BANP: variants seen among roughly 807,000 people sequenced by gnomAD.
The protein encoded by BANP is BTG3 associated nuclear protein.
BANP carries 11 observed loss-of-function variants against 68.1 expected under a neutral mutation model. The observed-to-expected ratio is 0.16, with a 90% CI of 0.10 to 0.27. The LOEUF (loss-of-function observed/expected upper bound fraction) is 0.27. Among genes scored for constraint, BANP ranks in the 10% least tolerant of loss-of-function variants. The pLI is 1.00. For synonymous variants in BANP, 329 were observed against 303.2 expected, an observed-to-expected ratio of 1.09 and a Z score of -0.88; for missense variants, 504 against 722.7, an observed-to-expected ratio of 0.70 and a Z score of 3.47.
intron 11 of BANP, among the ~76,000 whole-genome samples, chr16:88,046,457 C>G (rs1174042446): frequency 2.0e-5 from 3 of 152,194 alleles, no homozygotes; most frequent in African/African-American, 7.2e-5. Flanking sequence ...TGGACGTGCT[C>G]TAGTGATCTT....
chr16:88,076,408 G>C (rs78209926), intron 13 of BANP, among the ~76,000 whole-genome samples, 182 bp from the exon 14 acceptor site: 1 of 152,188 alleles, frequency 6.6e-6, no homozygotes, highest in Non-Finnish European at 1.5e-5. Flanking sequence ...TGGGCGCGTC[G>C]TTCCGCTGGG....
intron 7 of BANP, among the ~76,000 whole-genome samples, chr16:88,025,063 G>A (rs1204124965): frequency 6.6e-6 from 1 of 152,168 alleles, no homozygotes; most frequent in Non-Finnish European, 1.5e-5. Context: ...TCACAGGAGG[G>A]CGGTTCTGAG....
At chr16:88,065,394 A>C in intron 12 of BANP, 62 bp downstream of exon 12, 1 of 704,280 alleles carries the variant, frequency 1.4e-6, no homozygotes. Flanking sequence ...CTCTGCTTTT[A>C]AAGACCCCCG....
rs549834291 is a variant in BANP at position 88,003,998 on chromosome 16, T to C, written c.363-297T>C. The C allele has an allele frequency of 1.2e-4, 44 of 362,390 alleles. No individual in the cohort carries two copies. The highest frequency in any genetic ancestry group is 9.3e-4 in the African/African-American group (44 of 47,268). 22.4% of individuals were successfully genotyped at this position (362,390 alleles called of 1,614,324 possible). On this transcript the variant is annotated intron_variant, in intron 4 of 13. Coordinates refer to ENST00000682872, the MANE Select transcript of BANP (RefSeq NM_001386991.1). The surrounding 1 kb of genome is among the most constrained non-coding windows in gnomAD (Gnocchi z 6.1). ...CGGTTGCAGTCTATTCTGTCACAAG[T>C]TCAGCATCCTCAGCCCAGCTGTCCT... is the stretch of plus-strand genomic sequence containing the variant.
At chr16:88,031,640 C>T (rs963666530) in intron 8 of BANP, among the ~76,000 whole-genome samples, 5 of 142,718 alleles carry the variant, frequency 3.5e-5, no homozygotes, top group Non-Finnish European at 7.5e-5. Flanking sequence ...CAGAGCAAGA[C>T]TCTCTCTCAA....
chr16:88,059,924 T>C (rs11117356), intron 11 of BANP, among the ~76,000 whole-genome samples: 116,694 of 152,022 alleles, frequency 0.77, 45,134 homozygotes, highest in Non-Finnish European at 0.8. Flanking sequence ...GGGTCACATT[T>C]AGGCCCCAGA....
At chr16:87,985,879 G>A (rs1432132860) in intron 4 of BANP, among the ~76,000 whole-genome samples, 1 of 152,226 alleles carries the variant, frequency 6.6e-6, no homozygotes, top group Non-Finnish European at 1.5e-5. Flanking sequence ...TGTAATAGTT[G>A]AATTCATGGA....
chr16:87,996,588 C>G (rs1040312819), intron 4 of BANP, among the ~76,000 whole-genome samples: 1 of 141,346 alleles, frequency 7.1e-6, no homozygotes, highest in East Asian at 2.1e-4. Context: ...GCTGGGCCCT[C>G]GTCCTGGGCG....
intron 11 of BANP, among the ~76,000 whole-genome samples, chr16:88,061,085 TC>T (rs1009689376): frequency 6.6e-5 from 10 of 152,148 alleles, no homozygotes; most frequent in African/African-American, 2.4e-4. Flanking sequence ...TTCCCTTCCT[TC>T]GAGTTTTTAG....
At chr16:88,019,791 GGCCCGTGAGCCTCTGTCAGGA>G (rs2075630122) in intron 7 of BANP, among the ~76,000 whole-genome samples, 1 of 152,156 alleles carries the variant, frequency 6.6e-6, no homozygotes, top group South Asian at 2.1e-4. Flanking sequence ...AGCACAGTGT[GGCCCGTGAGCCTCTGTCAGGA>G]GCAGTGGGGG....
At chr16:87,998,280 G>A (rs74040253) in intron 4 of BANP, among the ~76,000 whole-genome samples, 1,620 of 152,340 alleles carry the variant, frequency 0.011, 28 homozygotes, top group African/African-American at 0.037. Context: ...AAAAAGTGCT[G>A]AGGGTTGTGG....
At chr16:88,028,361 A>T (rs1452007093) in intron 8 of BANP, among the ~76,000 whole-genome samples, 1 of 152,008 alleles carries the variant, frequency 6.6e-6, no homozygotes, top group Non-Finnish European at 1.5e-5. Context: ...GTTGGCGGGA[A>T]CCCTTTGTTC....
In BANP at chr16:88,028,227, C is replaced by T. The variant is rs1317876671; in HGVS notation, c.1063+577C>T. 3.9e-4 allele frequency among the ~76,000 whole-genome samples: 59 copies of T among 152,234 alleles called. 1 individual carries two copies. Among genetic ancestry groups the T allele is most frequent in the Admixed American group, 3.9e-3 (59 of 15,286 alleles). ...TAAGTATTTGAATGAAAACTATTCT[C>T]TTAAAGCTCCCCACAGTAGCTGCAT... On this transcript the variant is annotated intron_variant, in intron 8 of 13. Transcript: ENST00000682872.
chr16:87,976,207 A>G (rs1279495322), intron 2 of BANP, among the ~76,000 whole-genome samples: 1 of 152,254 alleles, frequency 6.6e-6, no homozygotes, highest in African/African-American at 2.4e-5. Context: ...TAGAATTGCT[A>G]CATGTGTTTA....
rs2152853865 is a variant in BANP at position 88,057,297 on chromosome 16, A to G, written c.1312-7970A>G. 6.6e-6 allele frequency among the ~76,000 whole-genome samples: 1 copy of G among 152,266 alleles called. No homozygotes were observed. The highest frequency in any genetic ancestry group is 6.5e-5 in the Admixed American group (1 of 15,296). On this transcript the variant is annotated intron_variant, in intron 11 of 13. Coordinates refer to ENST00000682872, the MANE Select transcript of BANP (RefSeq NM_001386991.1). The surrounding 1 kb of genome is among the most constrained non-coding windows in gnomAD (Gnocchi z 4.6). ...TGGGTGCCTCTGTGGGGAGCAGCTA[A>G]TGGATGTGTAGACTCTTTTGCCCCA... is the stretch of plus-strand genomic sequence containing the variant.
chr16:88,055,835 C>T (rs533839175), intron 11 of BANP, among the ~76,000 whole-genome samples: 2 of 152,272 alleles, frequency 1.3e-5, no homozygotes, highest in East Asian at 3.9e-4. Flanking sequence ...TGCCAAAACA[C>T]AAGCAGAAAT....
At chr16:88,073,822 C>G (rs561368954) in intron 13 of BANP, among the ~76,000 whole-genome samples, 1 of 152,256 alleles carries the variant, frequency 6.6e-6, no homozygotes, top group African/African-American at 2.4e-5. Context: ...TTGAACAAAC[C>G]TGTGTCCCAT....
At chr16:87,995,920 C>A (rs1318067270) in intron 4 of BANP, among the ~76,000 whole-genome samples, 4 of 152,264 alleles carry the variant, frequency 2.6e-5, no homozygotes, top group Non-Finnish European at 5.9e-5. Context: ...CCGGGGTGCG[C>A]TTCTCACTTG....
intron 10 of BANP, chr16:88,037,398 C>A (rs768790954): frequency 1.2e-4 from 18 of 154,504 alleles, no homozygotes; most frequent in Non-Finnish European, 1.7e-4. Context: ...ACATTCATAC[C>A]GTGTTCATTT....
Sources: allele counts gnomAD v4.1 joint callset (sites outside exome capture counted in the v4.1 genomes callset), GRCh38; gene constraint gnomAD v4.1.1; non-coding constraint Gnocchi (gnomAD v3.1); transcripts MANE v1.5; gene names NCBI Gene and HGNC (gene_info 2026-07-23, HGNC 2026-07-21).